PCYT1B: variants seen among roughly 807,000 people sequenced by gnomAD.
PCYT1B encodes the protein choline-phosphate cytidylyltransferase B.
PCYT1B carries 10 observed loss-of-function variants against 26.4 expected under a neutral mutation model. That is an observed-to-expected ratio of 0.38 (90% CI 0.23 to 0.64). PCYT1B has a LOEUF of 0.64. Ranked by LOEUF, PCYT1B falls within the 30% of genes least tolerant of loss-of-function variation. The pLI is 0.56. For missense variants in PCYT1B, 161 were observed against 292.7 expected, an observed-to-expected ratio of 0.55 and a Z score of 3.28; for synonymous variants, 131 against 108.4, an observed-to-expected ratio of 1.21 and a Z score of -1.29.
At chrX:24,595,493 T>C (rs1390193547) in intron 3 of PCYT1B, among the ~76,000 whole-genome samples, 2 of 110,681 alleles carry the variant, frequency 1.8e-5, no homozygotes, top group Admixed American at 9.7e-5. Context: ...AGTGCAAAAA[T>C]AGCCCTGGGT....
intron 3 of PCYT1B, among the ~76,000 whole-genome samples, chrX:24,591,432 A>AT (rs1233546224): frequency 4.6e-5 from 5 of 108,539 alleles, no homozygotes; most frequent in African/African-American, 1.3e-4. Flanking sequence ...AAATTCACTA[A>AT]TTTTTTTTTG....
intron 6 of PCYT1B, among the ~76,000 whole-genome samples, chrX:24,576,743 C>T (rs960368314): frequency 1.8e-5 from 2 of 111,003 alleles, no homozygotes; most frequent in Non-Finnish European, 3.8e-5. Flanking sequence ...TATATATATA[C>T]ATATATGTGC....
chrX:24,651,480 T>A (rs1408489773), upstream of PCYT1B, among the ~76,000 whole-genome samples: 350 of 17,812 alleles, frequency 0.02, 2 homozygotes, highest in Non-Finnish European at 0.028. Flanking sequence ...AAAATATATA[T>A]ATATATATAT....
In PCYT1B at chrX:24,561,955, C is replaced by T; in HGVS notation, c.*338G>A. 3.3e-6 allele frequency: 2 copies of T among 611,793 alleles called. No individual in the cohort carries two copies. The highest frequency in any genetic ancestry group is 2.6e-6 in the Non-Finnish European group (1 of 377,862). The allele number at this position is 611,793 out of a possible 1,213,427, so 50.4% of individuals were successfully genotyped here. A position where few individuals can be genotyped will look rare whatever the true frequency, so the allele number is the denominator to read the frequency against. On this transcript the variant is annotated 3_prime_UTR_variant, in exon 8 of 8. Transcript: ENST00000379144. ...AACAGCCGCTGCCACAGGTGGTTTA[C>T]TTGGTGGGGGTGGTGGAAGGACCAA...
At chrX:24,566,199 A>G (rs1923623884) in intron 7 of PCYT1B, among the ~76,000 whole-genome samples, 1 of 112,140 alleles carries the variant, frequency 8.9e-6, no homozygotes, top group Middle Eastern at 4.6e-3. Flanking sequence ...TTTTCTGAGG[A>G]GATAATCAGA....
chrX:24,587,123 C>T, intron 5 of PCYT1B, 118 bp downstream of exon 5: 1 of 501,884 alleles, frequency 2.0e-6, no homozygotes, highest in South Asian at 3.1e-5. Flanking sequence ...CTGGGGGACA[C>T]CTAAAGTTGT....
chrX:24,648,731 G>A (rs957471770), upstream of PCYT1B, among the ~76,000 whole-genome samples: 1 of 109,908 alleles, frequency 9.1e-6, no homozygotes, highest in African/African-American at 3.3e-5. Context: ...GTAAGTCTGG[G>A]GTGGGGTCAG....
At chrX:24,590,461 T>A (rs1465525404) in intron 3 of PCYT1B, among the ~76,000 whole-genome samples, 1 of 112,018 alleles carries the variant, frequency 8.9e-6, no homozygotes, top group Admixed American at 9.5e-5. Flanking sequence ...TTCATATCTT[T>A]TTATTTTCCT....
At chrX:24,594,634 A>G (rs1924720198) in intron 3 of PCYT1B, among the ~76,000 whole-genome samples, 1 of 112,060 alleles carries the variant, frequency 8.9e-6, no homozygotes, top group Non-Finnish European at 1.9e-5. Flanking sequence ...CTATCCCAGG[A>G]GTGACCTCAA....
chrX:24,586,266 C>A (rs776130869), intron 5 of PCYT1B, among the ~76,000 whole-genome samples: 1 of 112,689 alleles, frequency 8.9e-6, no homozygotes, highest in East Asian at 2.8e-4. Flanking sequence ...CAAGATGGAA[C>A]GGGCTGCCTC....
In PCYT1B at chrX:24,587,862, A is replaced by G. The variant is rs61761911; in HGVS notation, c.487-543T>C. 3.2e-3 allele frequency among the ~76,000 whole-genome samples: 356 copies of G among 112,687 alleles called. 3 individuals carry two copies. Among genetic ancestry groups the G allele is most frequent in the African/African-American group, 0.01 (324 of 31,081 alleles). ...TGAAACTAGAAAATTTGTTAGATTTACCCAAGGCTTAAAGACTGGAGTGGG... is the reference window on the plus strand; with the variant it reads ...TGAAACTAGAAAATTTGTTAGATTTGCCCAAGGCTTAAAGACTGGAGTGGG... On this transcript the variant is annotated intron_variant, in intron 4 of 7. Coordinates refer to ENST00000379144, the MANE Select transcript of PCYT1B (RefSeq NM_004845.5).
At chrX:24,672,586 G>A in exon 1 of PCYT1B, 1 of 1,205,604 alleles carries the variant, frequency 8.3e-7, no homozygotes, top group Non-Finnish European at 1.1e-6. Context: ...CCACAATTGG[G>A]GAGCGCGATT....
chrX:24,651,465 AAAAAAAAATATATAT>A (rs1359290317), upstream of PCYT1B, among the ~76,000 whole-genome samples: 2 of 28,253 alleles, frequency 7.1e-5, no homozygotes, highest in South Asian at 2.2e-3. Context: ...AAAAAAAAAA[AAAAAAAAATATATAT>A]ATATATATAT....
At chrX:24,573,330 AT>A (rs1418925358) in intron 7 of PCYT1B, among the ~76,000 whole-genome samples, 1 of 110,165 alleles carries the variant, frequency 9.1e-6, no homozygotes, top group Non-Finnish European at 1.9e-5. Flanking sequence ...CACCTGGCTA[AT>A]TTTTTTGTAT....
intron 5 of PCYT1B, among the ~76,000 whole-genome samples, chrX:24,585,569 A>G (rs992310377): frequency 9.0e-6 from 1 of 110,737 alleles, no homozygotes; most frequent in African/African-American, 3.3e-5. Context: ...AAGTGGGGAG[A>G]TGACAGAGTC....
In PCYT1B at chrX:24,627,774, C is replaced by T. The variant is rs144643104; in HGVS notation, c.118-8690G>A. ...GAGGCAGGGGTCAGGGTGATCGCAG[C>T]GGAGGTGGTAAGAAGTGGTCAGATT... On this transcript the variant is annotated intron_variant, in intron 1 of 7. Coordinates refer to ENST00000379144, the MANE Select transcript of PCYT1B (RefSeq NM_004845.5). Among the ~76,000 whole-genome samples the T allele has an allele frequency of 7.8e-3, 869 of 111,361 alleles. 9 individuals are homozygous for T. Among genetic ancestry groups the T allele is most frequent in the African/African-American group, 0.027 (815 of 30,671 alleles).
intron 3 of PCYT1B, among the ~76,000 whole-genome samples, chrX:24,591,098 A>G (rs1212799982): frequency 1.8e-5 from 2 of 111,387 alleles, no homozygotes; most frequent in African/African-American, 3.3e-5. Context: ...CGGCCTCCAC[A>G]TCTCTTATAT....
chrX:24,647,391 C>T (rs1026411417), upstream of PCYT1B: 1 of 457,901 alleles, frequency 2.2e-6, no homozygotes, highest in Non-Finnish European at 2.7e-6. Context: ...GCATAGAGCG[C>T]GCTGGTTGGC....
intron 2 of PCYT1B, among the ~76,000 whole-genome samples, chrX:24,616,140 C>T (rs1416010997): frequency 2.7e-5 from 3 of 110,443 alleles, no homozygotes; most frequent in Non-Finnish European, 5.7e-5. Flanking sequence ...CCTTTCCTTT[C>T]CCTAGAAAGG....
Sources: gnomAD v4.1 joint callset for allele counts (sites outside exome capture counted in the v4.1 genomes callset) on GRCh38, gnomAD v4.1.1 for gene constraint, MANE v1.5 for transcripts, NCBI Gene and HGNC (gene_info 2026-07-23, HGNC 2026-07-21) for gene names.